ISM1: variants seen among roughly 807,000 people sequenced by gnomAD.
The protein encoded by ISM1 is isthmin 1.
ISM1 carries 25 observed loss-of-function variants against 46.3 expected under a neutral mutation model. The ratio of observed to expected loss-of-function variants is 0.54; its 90% confidence interval spans 0.39 to 0.75. The LOEUF is 0.75. Among genes scored for constraint, ISM1 ranks in the 30% least tolerant of loss-of-function variants. The probability of loss-of-function intolerance (pLI) is 0.00; values close to 1 mark genes in which losing one functional copy is unlikely to be tolerated. For missense variants in ISM1, 536 were observed against 625.4 expected (o/e 0.86, Z 1.52); for synonymous variants, 255 against 256.7 (o/e 0.99, Z 0.06).
chr20:13,312,886 A>C, the ISM1 span, among the ~76,000 whole-genome samples: 1 of 151,854 alleles, frequency 6.6e-6, no homozygotes, highest in Non-Finnish European at 1.5e-5. Flanking sequence ...TCTTTTCCCC[A>C]CTTTTTATTC....
At chr20:13,231,458 G>C (rs1175738702) in intron 1 of ISM1, among the ~76,000 whole-genome samples, 2 of 152,148 alleles carry the variant, frequency 1.3e-5, no homozygotes, top group East Asian at 3.9e-4. Context: ...TGATCCCATG[G>C]TCCTTTACTA....
the ISM1 span, among the ~76,000 whole-genome samples, chr20:13,306,858 C>T: frequency 0.37 from 55,930 of 151,874 alleles, 11,362 homozygotes; most frequent in Admixed American, 0.44. Flanking sequence ...AACGAGGTGT[C>T]CCATGCTGGT....
In ISM1 at chr20:13,257,047, A is replaced by G. The variant is rs185305212; in HGVS notation, c.139-13457A>G. The stretch of plus-strand genomic sequence containing the variant: ...ATGAGAGAAGAGAATAATAAAGAGG[A>G]GAAAAGAAGTGTTTTTACCACACAG... On this transcript the variant is annotated intron_variant, in intron 1 of 5. Coordinates refer to ENST00000262487, the MANE Select transcript of ISM1 (RefSeq NM_080826.2). 3.1e-3 allele frequency among the ~76,000 whole-genome samples: 478 copies of G among 152,282 alleles called. 4 individuals carry two copies. Among genetic ancestry groups the G allele is most frequent in the African/African-American group, 0.011 (451 of 41,546 alleles).
intron 3 of ISM1, among the ~76,000 whole-genome samples, chr20:13,281,740 T>A (rs1441544073): frequency 6.6e-6 from 1 of 152,164 alleles, no homozygotes. Context: ...TCAGCGCCAC[T>A]GAGTGAGAGA....
chr20:13,245,170 C>T (rs1413276927), intron 1 of ISM1: 3 of 152,178 alleles, frequency 2.0e-5, no homozygotes, highest in African/African-American at 7.2e-5. Flanking sequence ...TATGCTACCC[C>T]GTAGCTGCTC....
the ISM1 span, among the ~76,000 whole-genome samples, chr20:13,325,632 A>G: frequency 6.6e-6 from 1 of 152,246 alleles, no homozygotes; most frequent in Admixed American, 6.5e-5. Context: ...AATTCCTTTC[A>G]GAAGAAAGCC....
At chr20:13,242,052 C>T (rs2039730810) in intron 1 of ISM1, among the ~76,000 whole-genome samples, 1 of 152,074 alleles carries the variant, frequency 6.6e-6, no homozygotes, top group South Asian at 2.1e-4. Flanking sequence ...TTGGAGATCT[C>T]AATGAGTTTT....
At chr20:13,240,106 T>C (rs571791287) in intron 1 of ISM1, among the ~76,000 whole-genome samples, 2 of 152,336 alleles carry the variant, frequency 1.3e-5, no homozygotes, top group East Asian at 1.9e-4. Context: ...CATATAAGCA[T>C]TGAGCACTGC....
intron 1 of ISM1, among the ~76,000 whole-genome samples, chr20:13,244,765 C>A (rs6134831): frequency 0.27 from 40,806 of 152,080 alleles, 5,729 homozygotes; most frequent in African/African-American, 0.36. Flanking sequence ...TACCTATGCA[C>A]AAGTCAAAAG....
chr20:13,273,481 C>A (rs929252695), intron 2 of ISM1, among the ~76,000 whole-genome samples: 1 of 152,070 alleles, frequency 6.6e-6, no homozygotes, highest in Non-Finnish European at 1.5e-5. Flanking sequence ...AGTAATTTTC[C>A]TGCCTCAGCC....
At chr20:13,312,113 G>A in the ISM1 span, among the ~76,000 whole-genome samples, 2 of 152,098 alleles carry the variant, frequency 1.3e-5, no homozygotes, top group Non-Finnish European at 1.5e-5. Flanking sequence ...GTGTTGATAC[G>A]AGTTAAATCT....
At chr20:13,280,010 G>A in intron 3 of ISM1, 112 bp downstream of exon 3, 1 of 1,061,520 alleles carries the variant, frequency 9.4e-7, no homozygotes, top group Non-Finnish European at 1.3e-6. Context: ...TTGGTCTTCT[G>A]TGAGGCAAAC....
Position 13,241,299 on chromosome 20 carries a change from C to G in ISM1, c.138+19385C>G, listed in dbSNP as rs144459080. Among the ~76,000 whole-genome samples, 3 of 152,156 alleles carry G rather than the reference C, an allele frequency of 2.0e-5. No homozygotes were observed. In the East Asian group the frequency reaches 5.8e-4, roughly 29 times the overall value. ...ACAAATAAGTCTTGCAAAAGTTTTA[C>G]TATAAAAAGGGGAGATATATGAACA... On this transcript the variant is annotated intron_variant, in intron 1 of 5. Coordinates refer to ENST00000262487, the MANE Select transcript of ISM1 (RefSeq NM_080826.2).
chr20:13,305,199 TAAA>T (rs5840562), downstream of ISM1, among the ~76,000 whole-genome samples: 30,817 of 137,384 alleles, frequency 0.22, 3,890 homozygotes, highest in Non-Finnish European at 0.29. Context: ...GTTGAGTTGT[TAAA>T]AAAAAAAAAA....
chr20:13,221,631 C>T lies in ISM1; in HGVS notation c.-146C>T. On this transcript the variant is annotated 5_prime_UTR_variant, in exon 1 of 6. Coordinates refer to ENST00000262487, the MANE Select transcript of ISM1 (RefSeq NM_080826.2). ...CACCCCGCCGCGCCCAGCGCCAGCC[C>T]CGCGGGCCCGGGAAGCGGAGCCCTG... 3.5e-6 allele frequency: 2 copies of T among 576,860 alleles called. No individual in the cohort carries two copies. The highest frequency in any genetic ancestry group is 7.9e-5 in the South Asian group (1 of 12,610). 35.7% of individuals were successfully genotyped at this position (576,860 alleles called of 1,614,324 possible). A position where few individuals can be genotyped will look rare whatever the true frequency, so the allele number is the denominator to read the frequency against.
chr20:13,234,152 T>G (rs995036875), intron 1 of ISM1, among the ~76,000 whole-genome samples: 7 of 152,174 alleles, frequency 4.6e-5, no homozygotes, highest in African/African-American at 1.7e-4. Flanking sequence ...CAGTGTCTGA[T>G]TACTCTTTGT....
chr20:13,322,240 C>T, the ISM1 span, among the ~76,000 whole-genome samples: 1 of 152,154 alleles, frequency 6.6e-6, no homozygotes. Context: ...TGCTGTACTC[C>T]CAAGAGTGAG....
intron 1 of ISM1, among the ~76,000 whole-genome samples, chr20:13,269,512 C>G (rs1362094695): frequency 1.3e-5 from 2 of 152,224 alleles, no homozygotes; most frequent in Non-Finnish European, 2.9e-5. Flanking sequence ...TTCCCTCCTT[C>G]TCTCTACAAC....
intron 1 of ISM1, among the ~76,000 whole-genome samples, chr20:13,228,550 T>A (rs1442600921): frequency 4.6e-5 from 7 of 152,318 alleles, no homozygotes; most frequent in Admixed American, 2.6e-4. Flanking sequence ...GTGATTTTTT[T>A]AAAAACTTGA....
Sources: allele counts gnomAD v4.1 joint callset (sites outside exome capture counted in the v4.1 genomes callset), GRCh38; gene constraint gnomAD v4.1.1; transcripts MANE v1.5; gene names NCBI Gene and HGNC (gene_info 2026-07-23, HGNC 2026-07-21).